The following GATB variants were observed in gnomAD, a reference collection of about 807,000 sequenced individuals.
The protein encoded by GATB is glutamyl-tRNA amidotransferase subunit B.
A neutral mutation model predicts 62.3 loss-of-function variants in GATB; 39 were observed. That is an observed-to-expected ratio of 0.63 (90% CI 0.48 to 0.82). GATB has a LOEUF of 0.82. Ranked by LOEUF, GATB falls within the 40% of genes least tolerant of loss-of-function variation. GATB has a pLI of 0.00. For synonymous variants in GATB, 276 were observed against 258.9 expected (o/e 1.07, Z -0.63); for missense variants, 670 against 684.0 (o/e 0.98, Z 0.23).
Position 151,717,369 on chromosome 4 carries a change from T to C in GATB, c.442-295A>G. On this transcript the variant is annotated intron_variant, in intron 3 of 12. Coordinates refer to ENST00000263985, the MANE Select transcript of GATB (RefSeq NM_004564.3). ...CTCATTAAAGTGCTGTATTGGGGAA[T>C]AACAATAATGTCATTGTCAGGGACC... is the stretch of plus-strand genomic sequence containing the variant. The C allele has an allele frequency of 1.1e-5, 4 of 365,336 alleles. No homozygotes were observed. The South Asian group carries it at 1.2e-4, about 11-fold the overall frequency. The allele number at this position is 365,336 out of a possible 1,614,324, so 22.6% of individuals were successfully genotyped here. A position where few individuals can be genotyped will look rare whatever the true frequency, so the allele number is the denominator to read the frequency against.
intron 10 of GATB, among the ~76,000 whole-genome samples, chr4:151,682,521 G>C (rs1353826235): frequency 6.6e-6 from 1 of 152,146 alleles, no homozygotes; most frequent in South Asian, 2.1e-4. Flanking sequence ...TCAGCTCTGT[G>C]TGCTGCTCTC....
intron 8 of GATB, among the ~76,000 whole-genome samples, chr4:151,702,023 G>T (rs888308933): frequency 1.3e-5 from 2 of 152,166 alleles, no homozygotes; most frequent in African/African-American, 4.8e-5. Flanking sequence ...CAATGGCATT[G>T]GTGTATCTAA....
chr4:151,716,280 T>C lies in GATB; in HGVS notation c.641-149A>G, dbSNP rs1000344816. ...AATCATTTCTCTTCCCTCCCACCTTTTTTTTTTTTTTTTTTTTAAAGAGGC... is the reference window on the plus strand; with the variant it reads ...AATCATTTCTCTTCCCTCCCACCTTCTTTTTTTTTTTTTTTTTAAAGAGGC... On this transcript the variant is annotated intron_variant, in intron 4 of 12. Transcript: ENST00000263985. The C allele has an allele frequency of 3.5e-5, 18 of 516,078 alleles. No individual in the cohort carries two copies. In the Admixed American group the frequency reaches 5.2e-4, roughly 15 times the overall value. 32.0% of individuals were successfully genotyped at this position (516,078 alleles called of 1,614,324 possible). A position where few individuals can be genotyped will look rare whatever the true frequency, so the allele number is the denominator to read the frequency against.
chr4:151,697,955 A>ATG (rs1738512561), intron 9 of GATB, among the ~76,000 whole-genome samples: 1 of 35,154 alleles, frequency 2.8e-5, no homozygotes, highest in East Asian at 7.5e-4. Context: ...GTGTGTGTGT[A>ATG]TATATATATA....
chr4:151,685,367 G>A (rs1032775203), intron 10 of GATB, among the ~76,000 whole-genome samples: 2 of 152,122 alleles, frequency 1.3e-5, no homozygotes. Context: ...GTAGAACCGG[G>A]TCCTGGTCAT....
intron 2 of GATB, among the ~76,000 whole-genome samples, chr4:151,739,150 G>A (rs575671530): frequency 1.3e-4 from 20 of 152,316 alleles, no homozygotes; most frequent in Middle Eastern, 3.4e-3. Flanking sequence ...AAGGAGATAC[G>A]TGCATAAAAA....
At chr4:151,693,512 CAA>C (rs1477503664) in intron 9 of GATB, among the ~76,000 whole-genome samples, 3 of 151,916 alleles carry the variant, frequency 2.0e-5, no homozygotes, top group Admixed American at 2.0e-4. Flanking sequence ...ACCCCCCCCT[CAA>C]GAGTGTCAGG....
chr4:151,701,026 A>G (rs929771057), intron 9 of GATB, among the ~76,000 whole-genome samples: 1 of 152,212 alleles, frequency 6.6e-6, no homozygotes, highest in African/African-American at 2.4e-5. Context: ...AAACTCATCC[A>G]TAACATTTGG....
At chr4:151,722,293 C>T (rs1298913405) in intron 2 of GATB, 6 of 688,350 alleles carry the variant, frequency 8.7e-6, no homozygotes, top group Non-Finnish European at 1.6e-5. Context: ...CTGTCTCTGC[C>T]CTCAATGAAT....
intron 10 of GATB, 129 bp downstream of exon 10, chr4:151,688,501 G>A (rs1395999604): frequency 3.7e-6 from 3 of 818,184 alleles, no homozygotes; most frequent in Admixed American, 2.5e-5. Context: ...AGTCCACAGG[G>A]GATGTTTGTG....
intron 6 of GATB, among the ~76,000 whole-genome samples, chr4:151,705,998 G>A (rs554165477): frequency 7.2e-5 from 11 of 152,040 alleles, no homozygotes; most frequent in South Asian, 2.1e-4. Context: ...AAAATATCTT[G>A]AGCCTCCACC....
Position 151,670,982 on chromosome 4 carries a change from G to A in GATB, c.*192C>T. ...AAGCAGGCGGGGTGGCTGCTGGTCG[G>A]CTGTGGAGGCACCTCCAGGCACAGG... On this transcript the variant is annotated 3_prime_UTR_variant, in exon 13 of 13. Coordinates refer to ENST00000263985, the MANE Select transcript of GATB (RefSeq NM_004564.3). 1.6e-6 allele frequency: 1 copy of A among 625,462 alleles called. No individual in the cohort carries two copies. The highest frequency in any genetic ancestry group is 2.7e-6 in the Non-Finnish European group (1 of 366,096). The allele number at this position is 625,462 out of a possible 1,614,324, so 38.7% of individuals were successfully genotyped here.
At chr4:151,747,053 G>A (rs147662474) in intron 2 of GATB, among the ~76,000 whole-genome samples, 13 of 152,214 alleles carry the variant, frequency 8.5e-5, no homozygotes, top group African/African-American at 1.9e-4. Flanking sequence ...CAGCAACTGC[G>A]GCAGGTAGGG....
At chr4:151,743,371 G>T (rs1739535154) in intron 2 of GATB, among the ~76,000 whole-genome samples, 1 of 152,306 alleles carries the variant, frequency 6.6e-6, no homozygotes, top group Non-Finnish European at 1.5e-5. Flanking sequence ...CTCACACCTA[G>T]AGGGCATCAT....
At chr4:151,731,653 C>T (rs1036438219) in intron 2 of GATB, among the ~76,000 whole-genome samples, 3 of 152,076 alleles carry the variant, frequency 2.0e-5, no homozygotes, top group Non-Finnish European at 2.9e-5. Flanking sequence ...CAGCTGCCAT[C>T]CCGTCTAGGA....
At chr4:151,750,324 C>G (rs1189711696) in intron 2 of GATB, among the ~76,000 whole-genome samples, 1 of 152,194 alleles carries the variant, frequency 6.6e-6, no homozygotes, top group African/African-American at 2.4e-5. Flanking sequence ...TGAGCTGTCT[C>G]GTTTGGTATT....
chr4:151,677,071 CT>C (rs938548369), intron 11 of GATB, among the ~76,000 whole-genome samples: 18 of 152,252 alleles, frequency 1.2e-4, no homozygotes, highest in Non-Finnish European at 1.3e-4. Context: ...ACCTTTCTTC[CT>C]TATCCCCTGG....
At chr4:151,760,487 G>C (rs896756950) in intron 1 of GATB, among the ~76,000 whole-genome samples, 2 of 152,144 alleles carry the variant, frequency 1.3e-5, no homozygotes, top group African/African-American at 4.8e-5. Flanking sequence ...CGCTTCTCGT[G>C]TCACCGTCCC....
rs570451862 is a variant in GATB at position 151,712,687 on chromosome 4, A to T, written c.763+3322T>A. Among the ~76,000 whole-genome samples, 6 of 152,314 alleles carry T rather than the reference A, an allele frequency of 3.9e-5. No individual in the cohort carries two copies. The South Asian group carries it at 1.0e-3, about 26-fold the overall frequency. ...TTACTGAACGTATTTTACAAAGCTC[A>T]CTCATCTAGATGAGTGGTAATTCCA... is the stretch of plus-strand genomic sequence containing the variant. On this transcript the variant is annotated intron_variant, in intron 5 of 12. Coordinates refer to ENST00000263985, the MANE Select transcript of GATB (RefSeq NM_004564.3).
Sources: allele counts gnomAD v4.1 joint callset (sites outside exome capture counted in the v4.1 genomes callset), GRCh38; gene constraint gnomAD v4.1.1; transcripts MANE v1.5; gene names NCBI Gene and HGNC (gene_info 2026-07-23, HGNC 2026-07-21).